Variants in ZBBX observed in about 807,000 individuals in gnomAD.
The protein encoded by ZBBX is zinc finger B-box domain-containing protein 1.
In ZBBX, 101 loss-of-function variants were observed where a neutral mutation model predicts 108.5. That is an observed-to-expected ratio of 0.93 (90% CI 0.79 to 1.10). The LOEUF is 1.10. ZBBX is among the 50% of genes least tolerant of loss of function. The pLI is 0.00. For synonymous variants in ZBBX, 356 were observed against 323.4 expected (o/e 1.10, Z -1.08); for missense variants, 1,009 against 941.4 (o/e 1.07, Z -0.94).
intron 20 of ZBBX, among the ~76,000 whole-genome samples, chr3:167,245,146 G>A (rs1721331075): frequency 6.6e-6 from 1 of 152,164 alleles, no homozygotes; most frequent in African/African-American, 2.4e-5. Context: ...GGGCGCGGTG[G>A]CTCACGCCTG....
chr3:167,284,724 C>T (rs1213689775), intron 19 of ZBBX, among the ~76,000 whole-genome samples: 3 of 152,068 alleles, frequency 2.0e-5, no homozygotes, highest in Non-Finnish European at 2.9e-5. Flanking sequence ...AAGAAACAGA[C>T]CATCTTTCTT....
At chr3:167,357,912 A>T (rs1743848742) in intron 8 of ZBBX, among the ~76,000 whole-genome samples, 1 of 152,106 alleles carries the variant, frequency 6.6e-6, no homozygotes, top group Non-Finnish European at 1.5e-5. Context: ...CATTCTCAGT[A>T]AACTATTGCA....
Position 167,365,977 on chromosome 3 carries a change from C to T in ZBBX, c.183-1G>A. ...AGATTTCCAGTAATACTCGCTTGAC[C>T]TTTAATATATATAAACAAGATAAAA... is the stretch of plus-strand genomic sequence containing the variant. On this transcript the variant is annotated splice_acceptor_variant, in intron 5 of 21. Transcript: ENST00000675490. LOFTEE classifies it high-confidence loss of function. 1 of 1,596,742 alleles carries T rather than the reference C, an allele frequency of 6.3e-7. No homozygotes were observed.
intron 5 of ZBBX, among the ~76,000 whole-genome samples, chr3:167,367,881 T>C (rs2108576988): frequency 6.7e-6 from 1 of 149,560 alleles, no homozygotes; most frequent in South Asian, 2.1e-4. Context: ...ATTAGAAAGT[T>C]CTCATTAATA....
chr3:167,325,717 T>C (rs1034529517), intron 11 of ZBBX, among the ~76,000 whole-genome samples: 8 of 152,200 alleles, frequency 5.3e-5, no homozygotes, highest in African/African-American at 9.6e-5. Context: ...TATTCGCTGA[T>C]AGAATTATTA....
At chr3:167,376,892 G>T (rs752285652) in intron 2 of ZBBX, among the ~76,000 whole-genome samples, 6 of 152,174 alleles carry the variant, frequency 3.9e-5, no homozygotes, top group Non-Finnish European at 7.3e-5. Context: ...CCTTTCTGGG[G>T]ATAGCAAGGA....
chr3:167,254,238 T>C (rs1215851506), intron 20 of ZBBX, among the ~76,000 whole-genome samples: 1 of 152,108 alleles, frequency 6.6e-6, no homozygotes, highest in Non-Finnish European at 1.5e-5. Context: ...CTCTCACTGT[T>C]CAGAACAAAA....
intron 1 of ZBBX, among the ~76,000 whole-genome samples, chr3:167,387,231 A>C (rs1043291505): frequency 2.6e-5 from 4 of 152,060 alleles, no homozygotes; most frequent in Non-Finnish European, 5.9e-5. Context: ...GCATTCTTAC[A>C]GATAATGGGC....
At chr3:167,191,394 C>T in the ZBBX span, among the ~76,000 whole-genome samples, 1 of 152,274 alleles carries the variant, frequency 6.6e-6, no homozygotes, top group East Asian at 1.9e-4. Flanking sequence ...TTGGCTGTGT[C>T]CCCACCCAAA....
chr3:167,213,662 G>A, the ZBBX span, among the ~76,000 whole-genome samples: 1 of 152,142 alleles, frequency 6.6e-6, no homozygotes, highest in African/African-American at 2.4e-5. Context: ...CTTTGCTAGA[G>A]AGGCTAACAG....
intron 1 of ZBBX, among the ~76,000 whole-genome samples, chr3:167,400,598 A>C (rs1748395382): frequency 6.6e-6 from 1 of 152,032 alleles, no homozygotes; most frequent in African/African-American, 2.4e-5. Context: ...TAGTACCGTG[A>C]ACTCCAAATA....
intron 1 of ZBBX, among the ~76,000 whole-genome samples, chr3:167,394,631 CCAAAGAAGCAAGCCTT>C (rs1748175967): frequency 6.6e-6 from 1 of 151,736 alleles, no homozygotes; most frequent in African/African-American, 2.4e-5. Context: ...GTTACACGGC[CCAAAGAAGCAAGCCTT>C]CATTAATGTT....
intron 20 of ZBBX, among the ~76,000 whole-genome samples, chr3:167,272,703 C>T (rs1726749354): frequency 6.6e-6 from 1 of 152,150 alleles, no homozygotes; most frequent in Admixed American, 6.5e-5. Context: ...GTAGAGATCT[C>T]CAAAGTCAGA....
chr3:167,203,272 T>A, the ZBBX span, among the ~76,000 whole-genome samples: 4 of 152,058 alleles, frequency 2.6e-5, no homozygotes, highest in African/African-American at 9.7e-5. Flanking sequence ...TGTCTCTTCT[T>A]CTGTTTATAG....
At chr3:167,268,058 T>C (rs1725875445) in intron 20 of ZBBX, among the ~76,000 whole-genome samples, 2 of 152,072 alleles carry the variant, frequency 1.3e-5, no homozygotes, top group Non-Finnish European at 2.9e-5. Context: ...AGTAGAACAA[T>C]GTAAAAGAGA....
chr3:167,194,245 TATA>T, the ZBBX span, among the ~76,000 whole-genome samples: 2 of 149,532 alleles, frequency 1.3e-5, no homozygotes, highest in Non-Finnish European at 3.0e-5. Context: ...TATATATATA[TATA>T]TATGTATATT....
chr3:167,251,066 A>G (rs557169983), intron 20 of ZBBX, among the ~76,000 whole-genome samples: 4 of 152,248 alleles, frequency 2.6e-5, no homozygotes, highest in African/African-American at 9.6e-5. Flanking sequence ...ACACCAGCAG[A>G]CCACTGACCA....
upstream of ZBBX, among the ~76,000 whole-genome samples, chr3:167,381,919 CAGGGAAGTATCTGAATGCA>C (rs754325613): frequency 3.3e-5 from 5 of 151,990 alleles, no homozygotes; most frequent in Non-Finnish European, 7.4e-5. Flanking sequence ...GGTAGATGGC[CAGGGAAGTATCTGAATGCA>C]AGGAAAGAGA....
intron 1 of ZBBX, among the ~76,000 whole-genome samples, chr3:167,398,475 T>C (rs896377964): frequency 2.0e-5 from 3 of 152,072 alleles, no homozygotes; most frequent in Admixed American, 2.0e-4. Flanking sequence ...TTTTATGAAC[T>C]TTAGAATTAT....
Sources: allele counts gnomAD v4.1 joint callset (sites outside exome capture counted in the v4.1 genomes callset), GRCh38; gene constraint gnomAD v4.1.1; transcripts MANE v1.5; gene names NCBI Gene and HGNC (gene_info 2026-07-23, HGNC 2026-07-21).